ETV5: variants seen among roughly 807,000 people sequenced by gnomAD.
ETV5 encodes ETS translocation variant 5.
ETV5 carries 10 observed loss-of-function variants against 70.0 expected under a neutral mutation model. The observed-to-expected ratio is 0.14, with a 90% CI of 0.09 to 0.24. The LOEUF (loss-of-function observed/expected upper bound fraction) is 0.24. Among genes scored for constraint, ETV5 ranks in the 10% least tolerant of loss-of-function variants. The pLI is 1.00. For synonymous variants in ETV5, 216 were observed against 242.2 expected, an observed-to-expected ratio of 0.89 and a Z score of 1.01; for missense variants, 453 against 651.2, an observed-to-expected ratio of 0.70 and a Z score of 3.31.
chr3:186,067,261 G>A (rs557188771), intron 7 of ETV5, among the ~76,000 whole-genome samples: 82 of 152,294 alleles, frequency 5.4e-4, no homozygotes, highest in African/African-American at 1.5e-3. Context: ...GGTGAAACCC[G>A]TCTCTACTAA....
At position 186,052,525 on chromosome 3, in the gene ETV5, GAA is replaced by G. The variant is rs1713057198; in HGVS notation, c.1210-396_1210-395del. Among the ~76,000 whole-genome samples the G allele has an allele frequency of 6.6e-6, 1 of 152,168 alleles. No homozygotes were observed. The highest frequency in any genetic ancestry group is 1.5e-5 in the Non-Finnish European group (1 of 68,038). ...AGGAATAATTAGAATGGTCATTCCT[GAA>G]ACATTAGAAACACACTAGTGAGTTG... is the stretch of plus-strand genomic sequence containing the variant. On this transcript the variant is annotated intron_variant, in intron 11 of 12. Coordinates refer to ENST00000306376, the MANE Select transcript of ETV5 (RefSeq NM_004454.3). This position sits in a 1 kb window ranked among gnomAD's most constrained non-coding sequence, Gnocchi z 4.5.
intron 7 of ETV5, chr3:186,078,239 G>A: frequency 2.9e-6 from 3 of 1,029,506 alleles, no homozygotes; most frequent in Non-Finnish European, 3.5e-6. Context: ...AAGGATTGAG[G>A]GGGAAATATT....
At chr3:186,081,389 C>A (rs1713931936) in intron 5 of ETV5, among the ~76,000 whole-genome samples, 1 of 152,178 alleles carries the variant, frequency 6.6e-6, no homozygotes, top group African/African-American at 2.4e-5. Context: ...TCATCTGATA[C>A]TTTTAATTAG....
At chr3:186,107,838 A>G (rs1039952827) in intron 1 of ETV5, among the ~76,000 whole-genome samples, 1 of 151,998 alleles carries the variant, frequency 6.6e-6, no homozygotes. Flanking sequence ...GGCCCCATTC[A>G]CAAAACAAGA....
intron 7 of ETV5, among the ~76,000 whole-genome samples, chr3:186,073,579 A>C (rs1713699092): frequency 6.6e-6 from 1 of 152,224 alleles, no homozygotes; most frequent in Non-Finnish European, 1.5e-5. Context: ...AGAGATAATA[A>C]AAATCATATA....
At chr3:186,059,747 C>T (rs1713260319) in intron 9 of ETV5, among the ~76,000 whole-genome samples, 1 of 152,170 alleles carries the variant, frequency 6.6e-6, no homozygotes, top group African/African-American at 2.4e-5. Context: ...TTATATCCTC[C>T]ACCAAAGATT....
In ETV5 at chr3:186,065,888, G is replaced by A; in HGVS notation, c.835C>T (p.Pro279Ser). 6.2e-7 allele frequency: 1 copy of A among 1,614,000 alleles called. No individual in the cohort carries two copies. The highest frequency in any genetic ancestry group is 8.5e-7 in the Non-Finnish European group (1 of 1,179,972). Reference sequence around the variant, plus strand: ...TGGAACCCGTGTGCTGGGGGCCCTGGCATGCCCGGGACCCCATGTTCATAG... The same window carrying A: ...TGGAACCCGTGTGCTGGGGGCCCTGACATGCCCGGGACCCCATGTTCATAG... ...PLYEHGVPGM[P>S]GPPAHGFQSP... Residue 279 changes from proline to serine, a missense_variant, in exon 8 of 13, where the codon CCA becomes TCA. Physicochemically the swap from Pro to Ser is moderately conservative, Grantham distance 74. Coordinates refer to ENST00000306376, the MANE Select transcript of ETV5 (RefSeq NM_004454.3).
intron 5 of ETV5, among the ~76,000 whole-genome samples, chr3:186,101,244 C>T (rs969619333): frequency 6.6e-6 from 1 of 152,192 alleles, no homozygotes; most frequent in Non-Finnish European, 1.5e-5. Flanking sequence ...TATCTGTATA[C>T]ACACGAAAGG....
At chr3:186,070,232 G>A (rs1231483492) in intron 7 of ETV5, among the ~76,000 whole-genome samples, 2 of 152,126 alleles carry the variant, frequency 1.3e-5, no homozygotes, top group South Asian at 2.1e-4. Flanking sequence ...CAGCACCTTC[G>A]AAGGTGACCT....
intron 5 of ETV5, among the ~76,000 whole-genome samples, chr3:186,086,860 A>G (rs1714070661): frequency 6.7e-6 from 1 of 149,912 alleles, no homozygotes; most frequent in African/African-American, 2.4e-5. Context: ...GGTCCCAGCT[A>G]TGAGGTAGGG....
chr3:186,055,385 C>T (rs1249247795), intron 11 of ETV5, among the ~76,000 whole-genome samples: 1 of 152,114 alleles, frequency 6.6e-6, no homozygotes, highest in Non-Finnish European at 1.5e-5. Context: ...AGGCATGGGT[C>T]GGCGTGGGGT....
chr3:186,081,089 C>CCTG lies in ETV5; in HGVS notation c.316_318dup (p.Gln106dup). On this transcript the variant is annotated inframe_insertion, in exon 6 of 13. Transcript: ENST00000306376. ...TTTTCTCCATAGTTAGCACCAAGAG[C>CCTG]CTGCTCATGGCTACAAGACGACAGC... 2.5e-6 allele frequency: 4 copies of CCTG among 1,613,696 alleles called. No individual in the cohort carries two copies. Among genetic ancestry groups the CCTG allele is most frequent in the African/African-American group, 1.3e-5 (1 of 75,018 alleles).
At chr3:186,087,257 G>A (rs1714080852) in intron 5 of ETV5, among the ~76,000 whole-genome samples, 1 of 152,144 alleles carries the variant, frequency 6.6e-6, no homozygotes. Flanking sequence ...AAGGGTACAT[G>A]CCATGTAAGT....
intron 7 of ETV5, among the ~76,000 whole-genome samples, chr3:186,069,661 A>G (rs887200033): frequency 2.6e-5 from 4 of 152,068 alleles, no homozygotes; most frequent in Admixed American, 1.3e-4. Flanking sequence ...CAGCCTCCCA[A>G]GTAGCTGCGA....
At chr3:186,108,768 G>C (rs1186808698) in intron 1 of ETV5, 172 bp downstream of exon 1, 12 of 659,726 alleles carry the variant, frequency 1.8e-5, no homozygotes, top group Non-Finnish European at 4.1e-6. Flanking sequence ...GAACCAAACC[G>C]GACCGGGCCG....
intron 7 of ETV5, among the ~76,000 whole-genome samples, chr3:186,076,096 A>G (rs1008606306): frequency 6.6e-6 from 1 of 152,224 alleles, no homozygotes; most frequent in Non-Finnish European, 1.5e-5. Flanking sequence ...ACATTTTTTC[A>G]GCTGGTCTTT....
intron 9 of ETV5, among the ~76,000 whole-genome samples, chr3:186,063,256 C>T (rs555667960): frequency 3.9e-5 from 6 of 152,164 alleles, no homozygotes; most frequent in South Asian, 2.1e-4. Context: ...GGCAACAGAG[C>T]GAGACTCCGT....
chr3:186,079,337 A>G, intron 7 of ETV5: 1 of 229,952 alleles, frequency 4.3e-6, no homozygotes, highest in Non-Finnish European at 8.6e-6. Flanking sequence ...AGATGTACAA[A>G]TAAGGTCCTT....
chr3:186,064,394 G>C, intron 9 of ETV5, 23 bp downstream of exon 9: 1 of 1,607,084 alleles, frequency 6.2e-7, no homozygotes, highest in Non-Finnish European at 8.5e-7. Context: ...GGAGAGAAGA[G>C]GAAAGAAAAG....
Sources: gnomAD v4.1 joint callset for allele counts (sites outside exome capture counted in the v4.1 genomes callset) on GRCh38, gnomAD v4.1.1 for gene constraint, Gnocchi (gnomAD v3.1) non-coding constraint, MANE v1.5 for transcripts, NCBI Gene and HGNC (gene_info 2026-07-23, HGNC 2026-07-21) for gene names.